The following ARHGAP32 variants were observed in gnomAD, a reference collection of about 807,000 sequenced individuals.
The protein encoded by ARHGAP32 is rho GTPase-activating protein 32.
A neutral mutation model predicts 186.5 loss-of-function variants in ARHGAP32; 51 were observed. The observed-to-expected ratio is 0.27, with a 90% CI of 0.22 to 0.35. The LOEUF (loss-of-function observed/expected upper bound fraction) is 0.35. Among genes scored for constraint, ARHGAP32 ranks in the 10% least tolerant of loss-of-function variants. The pLI is 1.00. For missense variants in ARHGAP32, 2,186 were observed against 2,623.5 expected, an observed-to-expected ratio of 0.83 and a Z score of 3.64; for synonymous variants, 950 against 964.3, an observed-to-expected ratio of 0.99 and a Z score of 0.27.
At chr11:129,027,122 T>C (rs1398793110) in intron 11 of ARHGAP32, among the ~76,000 whole-genome samples, 1 of 149,370 alleles carries the variant, frequency 6.7e-6, no homozygotes, top group Non-Finnish European at 1.5e-5. Context: ...AAAAATTACC[T>C]GGATGATTCA....
chr11:129,209,420 CA>C (rs1273618179), intron 1 of ARHGAP32, among the ~76,000 whole-genome samples: 12 of 145,764 alleles, frequency 8.2e-5, no homozygotes, highest in African/African-American at 2.0e-4. Context: ...ATTCTAAATA[CA>C]AAAAAAAAGT....
intron 2 of ARHGAP32, among the ~76,000 whole-genome samples, chr11:129,149,271 C>G (rs1479659752): frequency 6.6e-6 from 1 of 152,184 alleles, no homozygotes; most frequent in East Asian, 1.9e-4. Flanking sequence ...CCACAACATC[C>G]TGGCTAACCA....
rs137943881 is a variant in ARHGAP32, at chr11:128,971,128, G to A, written c.4085C>T (p.Pro1362Leu). 95 of 1,613,632 alleles carry A rather than the reference G, an allele frequency of 5.9e-5. No homozygotes were observed. In the African/African-American group the frequency reaches 9.9e-4, roughly 17 times the overall value. ...GTCATCCATGGCTCGAGGTTCAGGT[G>A]GCCTCTCTGGAACTGGAACTACTCC... is the stretch of plus-strand genomic sequence containing the variant. The part of the protein sequence containing the change: ...VQGVVPVPER[P>L]PEPRAMDDPA... Residue 1362 changes from proline (P) to leucine (L), a missense_variant, in exon 23 of 23, where the codon CCA becomes CTA. By Grantham distance (98) the Pro-to-Leu change is moderately conservative. Coordinates refer to ENST00000682385, the MANE Select transcript of ARHGAP32 (RefSeq NM_001378024.1).
chr11:129,085,566 G>C (rs1265567417), intron 6 of ARHGAP32, among the ~76,000 whole-genome samples: 1 of 152,114 alleles, frequency 6.6e-6, no homozygotes, highest in Non-Finnish European at 1.5e-5. Context: ...TACAATTCCA[G>C]TCAAAATCCC....
chr11:128,974,462 T>A lies in ARHGAP32; in HGVS notation c.2735A>T (p.Lys912Ile). 1 of 1,614,216 alleles carries A rather than the reference T, an allele frequency of 6.2e-7. No homozygotes were observed. Among genetic ancestry groups the A allele is most frequent in the South Asian group, 1.1e-5 (1 of 91,076 alleles). ...GCTCATAGAAGGTGATTTGCTTAAT[T>A]TCCGTCCTATCTTCGGAGAGAAAGC... ...VYAFSPKIGR[K>I]LSKSPSMSIS... The change falls in exon 21 of 23, where the codon AAA (lysine) becomes ATA (isoleucine). Residue 912 changes from lysine to isoleucine, a missense_variant. By Grantham distance (102) the Lys-to-Ile change is moderately radical. Around this residue, in one of 5 missense-constraint regions of ARHGAP32, gnomAD observed 1,502 missense variants for 1,570.0 expected, o/e 0.96. Coordinates refer to ENST00000682385, the MANE Select transcript of ARHGAP32 (RefSeq NM_001378024.1).
chr11:129,199,472 G>C (rs1944433190), intron 1 of ARHGAP32, among the ~76,000 whole-genome samples: 1 of 152,252 alleles, frequency 6.6e-6, no homozygotes, highest in Non-Finnish European at 1.5e-5. Flanking sequence ...TCCAGCTATG[G>C]CTAAAAGGGG....
At chr11:129,035,237 T>C (rs975070511) in intron 11 of ARHGAP32, among the ~76,000 whole-genome samples, 2 of 152,164 alleles carry the variant, frequency 1.3e-5, no homozygotes, top group Admixed American at 1.3e-4. Context: ...CCATGGGTAC[T>C]TTCTATCTTG....
chr11:129,135,482 C>T (rs138149407), intron 2 of ARHGAP32, among the ~76,000 whole-genome samples: 6 of 152,124 alleles, frequency 3.9e-5, no homozygotes, highest in East Asian at 3.9e-4. Flanking sequence ...TAAAAATGAA[C>T]GCTGGCCGGG....
intron 10 of ARHGAP32, among the ~76,000 whole-genome samples, chr11:129,055,914 A>G (rs1463778741): frequency 1.3e-5 from 2 of 152,244 alleles, no homozygotes; most frequent in East Asian, 1.9e-4. Context: ...TAAACAATGG[A>G]CTTTAGTTAA....
At chr11:129,257,245 T>G (rs1945266118) in intron 1 of ARHGAP32, among the ~76,000 whole-genome samples, 1 of 152,212 alleles carries the variant, frequency 6.6e-6, no homozygotes, top group Admixed American at 6.5e-5. Context: ...TATTGAAATA[T>G]TTTTTAAGTC....
chr11:129,140,988 C>T (rs1319553171), intron 2 of ARHGAP32, among the ~76,000 whole-genome samples: 2 of 152,148 alleles, frequency 1.3e-5, no homozygotes, highest in Admixed American at 1.3e-4. Context: ...ATTTTCCTTC[C>T]AGTGAAACTG....
At chr11:128,980,396 G>GT in intron 18 of ARHGAP32, 157 bp downstream of exon 18, 1 of 506,766 alleles carries the variant, frequency 2.0e-6, no homozygotes. Context: ...CCATGAAGCG[G>GT]TAAGTATCAT....
intron 15 of ARHGAP32, 98 bp downstream of exon 15, chr11:128,985,905 A>C (rs1211276838): frequency 2.4e-6 from 1 of 424,112 alleles, no homozygotes; most frequent in East Asian, 5.2e-5. Flanking sequence ...GTTTAATTAG[A>C]ACTCCAAGGA....
intron 12 of ARHGAP32, among the ~76,000 whole-genome samples, chr11:128,991,034 C>G (rs1212171277): frequency 3.3e-5 from 5 of 151,912 alleles, no homozygotes; most frequent in Admixed American, 2.6e-4. Flanking sequence ...TCCGAGCACA[C>G]ATAAATTTTT....
At chr11:129,147,489 T>C (rs1022323930) in intron 2 of ARHGAP32, among the ~76,000 whole-genome samples, 1 of 152,220 alleles carries the variant, frequency 6.6e-6, no homozygotes, top group Non-Finnish European at 1.5e-5. Context: ...CCTGGAATGC[T>C]GGCACCTCTG....
At chr11:129,100,902 GC>G (rs1565422476) in intron 5 of ARHGAP32, among the ~76,000 whole-genome samples, 1 of 152,130 alleles carries the variant, frequency 6.6e-6, no homozygotes, top group Non-Finnish European at 1.5e-5. Flanking sequence ...AAGCACCCTG[GC>G]ACCCACTAGC....
At chr11:129,248,833 T>C (rs940708625) in intron 1 of ARHGAP32, among the ~76,000 whole-genome samples, 1 of 152,158 alleles carries the variant, frequency 6.6e-6, no homozygotes, top group Non-Finnish European at 1.5e-5. Context: ...GTATTTGCAT[T>C]TAGCCATAAC....
At chr11:129,139,966 G>C (rs1192253097) in intron 2 of ARHGAP32, among the ~76,000 whole-genome samples, 1 of 152,102 alleles carries the variant, frequency 6.6e-6, no homozygotes, top group Non-Finnish European at 1.5e-5. Flanking sequence ...ATCAATCTAG[G>C]TACTGCTGAG....
chr11:129,025,644 CAA>C (rs757736833), intron 11 of ARHGAP32, among the ~76,000 whole-genome samples: 1 of 149,552 alleles, frequency 6.7e-6, no homozygotes, highest in South Asian at 2.1e-4. Context: ...AAGGGAAAAA[CAA>C]AAGAGAGAGA....
Sources: allele counts gnomAD v4.1 joint callset (sites outside exome capture counted in the v4.1 genomes callset), GRCh38; gene constraint gnomAD v4.1.1; regional missense constraint gnomAD v4.1.1; transcripts MANE v1.5; gene names NCBI Gene and HGNC (gene_info 2026-07-23, HGNC 2026-07-21).